TIAM2: variants seen among roughly 807,000 people sequenced by gnomAD.
TIAM2 encodes the protein TIAM Rac1 associated GEF 2, also known as rho guanine nucleotide exchange factor TIAM2.
In TIAM2, 80 loss-of-function variants were observed where a neutral mutation model predicts 152.9. The observed-to-expected ratio is 0.52, with a 90% CI of 0.44 to 0.63. The LOEUF (loss-of-function observed/expected upper bound fraction) is 0.63, where lower values mean the gene tolerates loss of function less well. Ranked by LOEUF, TIAM2 falls within the 30% of genes least tolerant of loss-of-function variation. The pLI is 0.00. For missense variants in TIAM2, 1,965 were observed against 2,120.1 expected, an observed-to-expected ratio of 0.93 and a Z score of 1.44; for synonymous variants, 804 against 838.0, an observed-to-expected ratio of 0.96 and a Z score of 0.70.
intron 15 of TIAM2, among the ~76,000 whole-genome samples, chr6:155,226,332 G>T (rs1782241291): frequency 6.6e-6 from 1 of 152,244 alleles, no homozygotes; most frequent in Non-Finnish European, 1.5e-5. Context: ...CCCTTGGCTG[G>T]CTGAGCATCT....
intron 4 of TIAM2, among the ~76,000 whole-genome samples, chr6:155,136,573 A>G (rs1273990586): frequency 2.0e-5 from 3 of 152,106 alleles, no homozygotes; most frequent in South Asian, 2.1e-4. Context: ...CTCGCCATCT[A>G]TTATTTTTAC....
chr6:155,165,243 T>A lies in TIAM2; in HGVS notation c.2215-20T>A, dbSNP rs754710996. ...AAATACTAAGCCTTTAGATTTTTTT[T>A]AAACTGTGTTTTACATTAGGTATGT... On this transcript the variant is annotated intron_variant, in intron 8 of 26. Coordinates refer to ENST00000682666, the MANE Select transcript of TIAM2 (RefSeq NM_012454.4). The A allele has an allele frequency of 8.2e-6, 13 of 1,590,998 alleles. No individual in the cohort carries two copies. Among genetic ancestry groups the A allele is most frequent in the South Asian group, 8.1e-5 (7 of 86,724 alleles).
intron 15 of TIAM2, among the ~76,000 whole-genome samples, chr6:155,231,062 A>C (rs1023383313): frequency 6.6e-6 from 1 of 151,452 alleles, no homozygotes. Flanking sequence ...GGCTGGTCTC[A>C]GACTCCTGAC....
In TIAM2 at chr6:155,214,051, T is replaced by C. The variant is rs771219572; in HGVS notation, c.3168+2744T>C. The stretch of plus-strand genomic sequence containing the variant: ...GCAGCAGTACCCGGGAGGGCGGGGC[T>C]CCTTCCTGCTCCTGGCCCCCAAGAA... On this transcript the variant is annotated intron_variant, in intron 15 of 26. Transcript: ENST00000682666. The surrounding 1 kb of genome is among the most constrained non-coding windows in gnomAD (Gnocchi z 5.4). Among the ~76,000 whole-genome samples the C allele has an allele frequency of 1.3e-5, 2 of 152,134 alleles. No homozygotes were observed. Among genetic ancestry groups the C allele is most frequent in the Admixed American group, 6.5e-5 (1 of 15,270 alleles).
chr6:155,179,532 T>G, intron 12 of TIAM2, 76 bp downstream of exon 12: 1 of 1,363,016 alleles, frequency 7.3e-7, no homozygotes, highest in Non-Finnish European at 1.0e-6. Context: ...TCTTTGGACT[T>G]AATTTTTTCC....
In TIAM2 at chr6:155,029,540, T is replaced by C. The variant is rs1241646477; in HGVS notation, c.-209+34048T>C. ...ATATATTATAGTATAGATAATAATA[T>C]ATATTATGTAGTATAAATATATACT... is the stretch of plus-strand genomic sequence containing the variant. On this transcript the variant is annotated intron_variant, in intron 1 of 26. Coordinates refer to ENST00000682666, the MANE Select transcript of TIAM2 (RefSeq NM_012454.4). 6.6e-4 allele frequency among the ~76,000 whole-genome samples: 40 copies of C among 60,390 alleles called. 1 individual carries two copies. Among genetic ancestry groups the C allele is most frequent in the Admixed American group, 2.1e-3 (8 of 3,778 alleles). 39.6% of individuals were successfully genotyped at this position (60,390 alleles called of 152,430 possible).
At chr6:155,068,538 T>C (rs2051343965) in intron 1 of TIAM2, among the ~76,000 whole-genome samples, 1 of 151,934 alleles carries the variant, frequency 6.6e-6, no homozygotes, top group African/African-American at 2.4e-5. Context: ...CTGCAACCTC[T>C]GCCTCCTGGG....
chr6:154,998,249 AG>A (rs766336221), intron 1 of TIAM2, among the ~76,000 whole-genome samples: 2 of 152,224 alleles, frequency 1.3e-5, no homozygotes, highest in South Asian at 4.1e-4. Flanking sequence ...CTTGCAAGTA[AG>A]GCCCTAAAGA....
At chr6:155,147,916 T>C (rs1779854809) in intron 6 of TIAM2, among the ~76,000 whole-genome samples, 194 bp from the exon 7 acceptor site, 1 of 152,230 alleles carries the variant, frequency 6.6e-6, no homozygotes, top group Non-Finnish European at 1.5e-5. Context: ...CATGATGCTT[T>C]CTGCTCTGCT....
At chr6:155,031,785 G>C (rs1776825384) in intron 1 of TIAM2, among the ~76,000 whole-genome samples, 1 of 152,106 alleles carries the variant, frequency 6.6e-6, no homozygotes, top group Admixed American at 6.6e-5. Context: ...TATATTAGGA[G>C]ATACTTCCAT....
chr6:155,132,802 C>T (rs540586853), intron 4 of TIAM2, among the ~76,000 whole-genome samples: 11 of 152,350 alleles, frequency 7.2e-5, no homozygotes, highest in Admixed American at 7.2e-4. Flanking sequence ...CTTATGTGCA[C>T]TGAGTTTGTT....
At chr6:155,037,322 T>C (rs1776941418) in intron 1 of TIAM2, among the ~76,000 whole-genome samples, 1 of 152,204 alleles carries the variant, frequency 6.6e-6, no homozygotes, top group Non-Finnish European at 1.5e-5. Context: ...AAGTAAACTC[T>C]GAAGGTGACC....
At chr6:155,046,644 A>G (rs1239438971) in intron 1 of TIAM2, among the ~76,000 whole-genome samples, 2 of 152,046 alleles carry the variant, frequency 1.3e-5, no homozygotes, top group South Asian at 4.1e-4. Flanking sequence ...TCTTTGCTCT[A>G]TCTTAACAGA....
intron 1 of TIAM2, among the ~76,000 whole-genome samples, chr6:155,069,450 C>T (rs7774165): frequency 0.32 from 43,781 of 136,574 alleles, 7,494 homozygotes; most frequent in African/African-American, 0.49. Context: ...AATGAAAGAA[C>T]GACCAGGGTT....
intron 15 of TIAM2, among the ~76,000 whole-genome samples, chr6:155,223,224 A>C (rs923655022): frequency 8.5e-5 from 13 of 152,338 alleles, no homozygotes; most frequent in African/African-American, 2.9e-4. Context: ...CCTTACTTTG[A>C]GTAAACATCT....
At position 155,129,397 on chromosome 6, in the gene TIAM2, G is replaced by A; in HGVS notation, c.174G>A (p.Arg58=). The change falls in exon 4 of 27, where the codon AGG becomes AGA. Residue 58 remains arginine (R), a synonymous_variant. Transcript: ENST00000682666. The surrounding 1 kb of genome is among the most constrained non-coding windows in gnomAD (Gnocchi z 4.8). ...GCAACGGAGCAGGTTACAAGTCCAG[G>A]TCCCTGGCCCGAAGCTGCCTTTCTC... ...HGSNGAGYKS[R]SLARSCLSHF... The A allele has an allele frequency of 1.9e-6, 3 of 1,614,096 alleles. No homozygotes were observed. The highest frequency in any genetic ancestry group is 2.5e-6 in the Non-Finnish European group (3 of 1,180,014).
At chr6:155,220,906 C>T (rs557074544) in intron 15 of TIAM2, among the ~76,000 whole-genome samples, 108 of 152,186 alleles carry the variant, frequency 7.1e-4, no homozygotes, top group Admixed American at 2.0e-3. Context: ...CTGACGCTAT[C>T]CGTCTCCTAG....
intron 1 of TIAM2, among the ~76,000 whole-genome samples, chr6:155,026,688 C>T (rs150696675): frequency 1.4e-3 from 213 of 152,332 alleles, no homozygotes; most frequent in African/African-American, 4.9e-3. Context: ...AAGTTTGGAG[C>T]TGGTGCTCAC....
chr6:155,013,023 G>T (rs531891675), intron 1 of TIAM2, among the ~76,000 whole-genome samples: 1 of 152,042 alleles, frequency 6.6e-6, no homozygotes, highest in African/African-American at 2.4e-5. Flanking sequence ...CTCCCATCTC[G>T]TAAGTCTGGC....
Sources: gnomAD v4.1 joint callset for allele counts (sites outside exome capture counted in the v4.1 genomes callset) on GRCh38, gnomAD v4.1.1 for gene constraint, Gnocchi (gnomAD v3.1) non-coding constraint, MANE v1.5 for transcripts, NCBI Gene and HGNC (gene_info 2026-07-23, HGNC 2026-07-21) for gene names.